The following ANO3 variants were observed in gnomAD, a reference collection of about 807,000 sequenced individuals.
ANO3 encodes anoctamin-3.
In ANO3, 99 loss-of-function variants were observed where a neutral mutation model predicts 144.8. That is an observed-to-expected ratio of 0.68 (90% CI 0.58 to 0.81). The LOEUF (loss-of-function observed/expected upper bound fraction) is 0.81. Ranked by LOEUF, ANO3 falls within the 30% of genes least tolerant of loss-of-function variation. The pLI is 0.00. For missense variants in ANO3, 905 were observed against 1,202.2 expected (o/e 0.75, Z 3.66); for synonymous variants, 414 against 392.6 (o/e 1.05, Z -0.64).
At chr11:26,651,362 C>T (rs1173522909) in intron 24 of ANO3, among the ~76,000 whole-genome samples, 2 of 152,094 alleles carry the variant, frequency 1.3e-5, no homozygotes, top group Non-Finnish European at 2.9e-5. Flanking sequence ...GAAAAATATC[C>T]ACAATTGTTT....
chr11:26,614,477 C>G (rs1254675550), intron 17 of ANO3, among the ~76,000 whole-genome samples: 2 of 152,102 alleles, frequency 1.3e-5, no homozygotes, highest in Admixed American at 6.5e-5. Context: ...TACTGATCCC[C>G]AGGGCAAGAC....
At chr11:26,546,719 G>A (rs1301197916) in intron 11 of ANO3, among the ~76,000 whole-genome samples, 1 of 151,940 alleles carries the variant, frequency 6.6e-6, no homozygotes, top group Non-Finnish European at 1.5e-5. Context: ...TCAACTAGAG[G>A]GGAATTAAAC....
intron 1 of ANO3, among the ~76,000 whole-genome samples, chr11:26,333,729 T>C (rs1564969676): frequency 6.6e-6 from 1 of 152,232 alleles, no homozygotes; most frequent in Non-Finnish European, 1.5e-5. Flanking sequence ...TTCTCTAGGA[T>C]GTTTCAAATA....
chr11:26,242,556 ATT>A (rs1852685280), intron 1 of ANO3, among the ~76,000 whole-genome samples: 1 of 152,040 alleles, frequency 6.6e-6, no homozygotes, highest in Non-Finnish European at 1.5e-5. Flanking sequence ...ATTATTTATC[ATT>A]CTGTACATCC....
chr11:26,462,632 C>G (rs909266420), intron 3 of ANO3, among the ~76,000 whole-genome samples: 2 of 151,816 alleles, frequency 1.3e-5, no homozygotes, highest in African/African-American at 4.8e-5. Flanking sequence ...AACAGACTCT[C>G]AAGATCAATG....
At chr11:26,657,909 A>G (rs1261087587) in intron 26 of ANO3, among the ~76,000 whole-genome samples, 1 of 151,916 alleles carries the variant, frequency 6.6e-6, no homozygotes, top group Non-Finnish European at 1.5e-5. Context: ...TCCCCATTCT[A>G]TCAGTTGTCT....
chr11:26,392,743 A>G (rs1405266374), intron 1 of ANO3, among the ~76,000 whole-genome samples: 3 of 152,114 alleles, frequency 2.0e-5, no homozygotes, highest in Non-Finnish European at 2.9e-5. Context: ...TGAAAGAGAG[A>G]GAATAACGGG....
intron 1 of ANO3, among the ~76,000 whole-genome samples, chr11:26,348,269 C>G (rs1855546303): frequency 6.6e-6 from 1 of 152,164 alleles, no homozygotes; most frequent in Non-Finnish European, 1.5e-5. Flanking sequence ...ATAACCACAA[C>G]AGTACTGATA....
intron 7 of ANO3, among the ~76,000 whole-genome samples, chr11:26,525,985 T>A (rs984827593): frequency 2.0e-5 from 3 of 152,178 alleles, no homozygotes; most frequent in Non-Finnish European, 2.9e-5. Context: ...AAGACCAGGA[T>A]CAATGTTTAA....
intron 1 of ANO3, among the ~76,000 whole-genome samples, chr11:26,342,164 G>A (rs1242886933): frequency 6.6e-6 from 1 of 152,156 alleles, no homozygotes; most frequent in Non-Finnish European, 1.5e-5. Flanking sequence ...GGGAGTGGTG[G>A]AGCTAAGGTA....
At chr11:26,461,747 A>C (rs1014604025) in intron 3 of ANO3, among the ~76,000 whole-genome samples, 3 of 152,062 alleles carry the variant, frequency 2.0e-5, no homozygotes, top group Non-Finnish European at 4.4e-5. Context: ...TGTACCTCTT[A>C]CTAGTTTAGT....
At chr11:26,217,616 G>C (rs1852060149) in intron 1 of ANO3, among the ~76,000 whole-genome samples, 1 of 151,840 alleles carries the variant, frequency 6.6e-6, no homozygotes, top group African/African-American at 2.4e-5. Context: ...ATATACATAG[G>C]GGTGATGTAA....
intron 1 of ANO3, among the ~76,000 whole-genome samples, chr11:26,275,966 A>G (rs1853549781): frequency 6.6e-6 from 1 of 152,182 alleles, no homozygotes; most frequent in Admixed American, 6.6e-5. Context: ...CAAGGGAATA[A>G]CACTATCATC....
At chr11:26,431,569 C>T (rs1858089663) in intron 1 of ANO3, among the ~76,000 whole-genome samples, 1 of 152,210 alleles carries the variant, frequency 6.6e-6, no homozygotes, top group South Asian at 2.1e-4. Flanking sequence ...CCTCCACCCT[C>T]AAATAGACCG....
At chr11:26,459,618 A>G (rs1410778974) in intron 3 of ANO3, among the ~76,000 whole-genome samples, 1 of 151,990 alleles carries the variant, frequency 6.6e-6, no homozygotes, top group Non-Finnish European at 1.5e-5. Flanking sequence ...ACATATATAT[A>G]TATATAGGCC....
chr11:26,574,630 G>A (rs146671867), intron 14 of ANO3, among the ~76,000 whole-genome samples: 278 of 152,010 alleles, frequency 1.8e-3, no homozygotes, highest in African/African-American at 5.8e-3. Context: ...AGAATTTAAC[G>A]GCTGGGAAAT....
At position 26,662,272 on chromosome 11, in the gene ANO3, A is replaced by C. The variant is rs1392234776; in HGVS notation, c.*1828A>C. 2 of 151,768 alleles carry C rather than the reference A, an allele frequency of 1.3e-5. No homozygotes were observed. Among genetic ancestry groups the C allele is most frequent in the East Asian group, 3.9e-4 (2 of 5,150 alleles). The allele number at this position is 151,768 out of a possible 1,614,324, so 9.4% of individuals were successfully genotyped here. On this transcript the variant is annotated 3_prime_UTR_variant, in exon 27 of 27. Coordinates refer to ENST00000256737, the MANE Select transcript of ANO3 (RefSeq NM_031418.4). ...TGAACTTCCCTCAAGTGCCGTTGTT[A>C]TGTGAAACTCTTCCATTCAGATTCC...
In ANO3 at chr11:26,647,840, G is replaced by A. The variant is rs749892698; in HGVS notation, c.2560G>A (p.Val854Ile). The A allele has an allele frequency of 1.2e-6, 2 of 1,608,824 alleles. No homozygotes were observed. The highest frequency in any genetic ancestry group is 2.2e-5 in the East Asian group (1 of 44,758). Residue 854 changes from valine (V) to isoleucine (I), a missense_variant, in exon 24 of 27, where the codon GTA (valine) becomes ATA (isoleucine). Transcript: ENST00000256737. ...CAAATATGGCCCCTGTGCAAATCAT[G>A]TAGAACCAAGTGAAAAGTAAGGTTT... ...EYKYGPCANH[V>I]EPSENCLKGY...
chr11:26,347,336 T>G (rs906443007), intron 1 of ANO3, among the ~76,000 whole-genome samples: 1 of 152,230 alleles, frequency 6.6e-6, no homozygotes, highest in Non-Finnish European at 1.5e-5. Context: ...TAACGTTTCT[T>G]GATTATCAAA....
Sources: allele counts gnomAD v4.1 joint callset (sites outside exome capture counted in the v4.1 genomes callset), GRCh38; gene constraint gnomAD v4.1.1; transcripts MANE v1.5; gene names NCBI Gene and HGNC (gene_info 2026-07-23, HGNC 2026-07-21).